JMJD1C: variants seen among roughly 807,000 people sequenced by gnomAD.
The protein encoded by JMJD1C is jumonji domain-containing protein 1C.
In JMJD1C, 31 loss-of-function variants were observed where a neutral mutation model predicts 245.3. That is an observed-to-expected ratio of 0.13 (90% CI 0.09 to 0.17). The LOEUF is 0.17. Ranked by LOEUF, JMJD1C falls within the 10% of genes least tolerant of loss-of-function variation. The pLI is 1.00. For synonymous variants in JMJD1C, 1,057 were observed against 1,017.4 expected (o/e 1.04, Z -0.74); for missense variants, 2,691 against 3,000.2 (o/e 0.90, Z 2.41).
intron 2 of JMJD1C, among the ~76,000 whole-genome samples, chr10:63,363,275 T>TCC (rs760405133): frequency 1.4e-5 from 2 of 141,578 alleles, no homozygotes; most frequent in African/African-American, 2.9e-5. Flanking sequence ...TTTTTTTTTT[T>TCC]CCTGATGGAG....
intron 1 of JMJD1C, among the ~76,000 whole-genome samples, chr10:63,500,826 T>C (rs574571062): frequency 1.3e-5 from 2 of 152,176 alleles, no homozygotes; most frequent in Admixed American, 6.5e-5. Context: ...GATGGATGCA[T>C]GGATGCACAG....
intron 1 of JMJD1C, among the ~76,000 whole-genome samples, chr10:63,487,026 T>C (rs546220806): frequency 3.7e-4 from 56 of 152,324 alleles, no homozygotes; most frequent in Non-Finnish European, 6.0e-4. Context: ...AAGTTCATGG[T>C]TGGCATCACA....
chr10:63,226,714 CAAAAAAA>C (rs35375607), intron 3 of JMJD1C, among the ~76,000 whole-genome samples: 46 of 84,938 alleles, frequency 5.4e-4, no homozygotes, highest in South Asian at 1.0e-3. Context: ...AACCCTGTTT[CAAAAAAA>C]AAAAAAAAAA....
At position 63,176,278 on chromosome 10, in the gene JMJD1C, G is replaced by C. The variant is rs1236295626; in HGVS notation, c.7401+19C>G. The C allele has an allele frequency of 1.3e-6, 2 of 1,532,750 alleles. No individual in the cohort carries two copies. Among genetic ancestry groups the C allele is most frequent in the African/African-American group, 2.8e-5 (2 of 72,354 alleles). The allele number at this position is 1,532,750 out of a possible 1,614,324, so 94.9% of individuals were successfully genotyped here. A position where few individuals can be genotyped will look rare whatever the true frequency, so the allele number is the denominator to read the frequency against. ...CTTTCAGTCAGTAAAAAATATGTTAGAAATAAGTTTGTATATACCTGATGA... is the reference window on the plus strand; with the variant it reads ...CTTTCAGTCAGTAAAAAATATGTTACAAATAAGTTTGTATATACCTGATGA... On this transcript the variant is annotated intron_variant, in intron 24 of 25. Coordinates refer to ENST00000399262, the MANE Select transcript of JMJD1C (RefSeq NM_032776.3).
rs1006687093 is a variant in JMJD1C at position 63,258,914 on chromosome 10, C to T, written c.447+5737G>A. Among the ~76,000 whole-genome samples, 6 of 152,068 alleles carry T rather than the reference C, an allele frequency of 3.9e-5. No individual in the cohort carries two copies. In the East Asian group the frequency reaches 9.6e-4, roughly 24 times the overall value. ...ATGCTAGAGCAGTGACATGATACCA[C>T]GAAAATGACAAATCTGAAAGGAACT... On this transcript the variant is annotated intron_variant, in intron 3 of 25. Coordinates refer to ENST00000399262, the MANE Select transcript of JMJD1C (RefSeq NM_032776.3).
intron 1 of JMJD1C, among the ~76,000 whole-genome samples, chr10:63,486,137 TAA>T (rs1166721473): frequency 0.23 from 16,833 of 72,612 alleles, 1,247 homozygotes; most frequent in Non-Finnish European, 0.29. Flanking sequence ...CAAGCAATTG[TAA>T]AAAAAAAAAA....
At chr10:63,427,400 T>G in intron 1 of JMJD1C, 1 of 1,102,964 alleles carries the variant, frequency 9.1e-7, no homozygotes, top group Non-Finnish European at 1.3e-6. Flanking sequence ...AAACATGTCT[T>G]GACGGAAGAC....
At chr10:63,336,129 TAAG>T (rs1942706784) in intron 2 of JMJD1C, among the ~76,000 whole-genome samples, 1 of 149,524 alleles carries the variant, frequency 6.7e-6, no homozygotes, top group Admixed American at 6.6e-5. Context: ...TCAAAAAAAA[TAAG>T]AAAAAAAGAA....
intron 3 of JMJD1C, among the ~76,000 whole-genome samples, chr10:63,240,367 G>A (rs1204668630): frequency 6.6e-6 from 1 of 152,162 alleles, no homozygotes; most frequent in African/African-American, 2.4e-5. Flanking sequence ...AAAACCTGAA[G>A]AGAAGTATCA....
At chr10:63,431,577 G>T (rs1453265011) in intron 1 of JMJD1C, among the ~76,000 whole-genome samples, 1 of 152,188 alleles carries the variant, frequency 6.6e-6, no homozygotes, top group Non-Finnish European at 1.5e-5. Context: ...AGACAGAGAC[G>T]ATAATATGAC....
At chr10:63,398,663 A>G (rs1283888037) in intron 1 of JMJD1C, among the ~76,000 whole-genome samples, 1 of 146,744 alleles carries the variant, frequency 6.8e-6, no homozygotes, top group Non-Finnish European at 1.5e-5. Context: ...TTTTTTTTTG[A>G]GACAGACTCT....
At chr10:63,280,996 C>G (rs1489763686) in intron 2 of JMJD1C, among the ~76,000 whole-genome samples, 1 of 149,908 alleles carries the variant, frequency 6.7e-6, no homozygotes, top group African/African-American at 2.5e-5. Flanking sequence ...CTTGCTGTGT[C>G]GCCCAGGATG....
chr10:63,285,444 G>A (rs1240507069), intron 2 of JMJD1C, among the ~76,000 whole-genome samples: 1 of 152,148 alleles, frequency 6.6e-6, no homozygotes, highest in Non-Finnish European at 1.5e-5. Flanking sequence ...TGCCCTCTGA[G>A]TCCATAAACT....
chr10:63,439,898 A>C (rs150143650), intron 1 of JMJD1C, among the ~76,000 whole-genome samples: 4 of 152,358 alleles, frequency 2.6e-5, no homozygotes, highest in East Asian at 1.9e-4. Context: ...AGCTACAAGG[A>C]TGACAATACC....
At chr10:63,488,114 G>A (rs541174924) in intron 1 of JMJD1C, among the ~76,000 whole-genome samples, 1 of 152,090 alleles carries the variant, frequency 6.6e-6, no homozygotes, top group South Asian at 2.1e-4. Flanking sequence ...AAAAAAATGG[G>A]GTGGGAGAAG....
chr10:63,515,708 T>C (rs1338860553), intron 1 of JMJD1C, among the ~76,000 whole-genome samples: 3 of 152,234 alleles, frequency 2.0e-5, no homozygotes, highest in Non-Finnish European at 2.9e-5. Flanking sequence ...TTCATTTTGT[T>C]CAGTTATTTA....
intron 3 of JMJD1C, among the ~76,000 whole-genome samples, chr10:63,261,119 TAAC>T (rs1289754808): frequency 2.0e-5 from 3 of 152,122 alleles, no homozygotes; most frequent in Non-Finnish European, 4.4e-5. Flanking sequence ...GAAAGACACT[TAAC>T]AATATCGAGG....
intron 3 of JMJD1C, among the ~76,000 whole-genome samples, chr10:63,220,834 C>A (rs369273192): frequency 4.0e-5 from 6 of 151,816 alleles, no homozygotes; most frequent in Non-Finnish European, 7.4e-5. Flanking sequence ...CAGGGCCGGG[C>A]GCGGTGGCTC....
chr10:63,312,824 T>C (rs1589449281), intron 2 of JMJD1C, among the ~76,000 whole-genome samples: 1 of 152,242 alleles, frequency 6.6e-6, no homozygotes. Context: ...ATAAATGGTA[T>C]TTCCAATTTA....
Sources: gnomAD v4.1 joint callset for allele counts (sites outside exome capture counted in the v4.1 genomes callset) on GRCh38, gnomAD v4.1.1 for gene constraint, MANE v1.5 for transcripts, NCBI Gene and HGNC (gene_info 2026-07-23, HGNC 2026-07-21) for gene names.